MARCHF1: variants seen among roughly 807,000 people sequenced by gnomAD.
MARCHF1 encodes membrane associated ring-CH-type finger 1, also known as E3 ubiquitin-protein ligase MARCHF1.
MARCHF1 carries 40 observed loss-of-function variants against 54.2 expected under a neutral mutation model. That is an observed-to-expected ratio of 0.74 (90% CI 0.57 to 0.96). The LOEUF (loss-of-function observed/expected upper bound fraction) is 0.96, where lower values mean the gene tolerates loss of function less well. Ranked by LOEUF, MARCHF1 falls within the 40% of genes least tolerant of loss-of-function variation. The pLI is 0.00. For synonymous variants in MARCHF1, 236 were observed against 236.3 expected (o/e 1.00, Z 0.01); for missense variants, 586 against 656.5 (o/e 0.89, Z 1.17).
chr4:164,154,052 T>C (rs1282545817), intron 1 of MARCHF1, among the ~76,000 whole-genome samples: 1 of 152,190 alleles, frequency 6.6e-6, no homozygotes, highest in African/African-American at 2.4e-5. Context: ...ATTGCACATA[T>C]TTTGGGTTAT....
intron 1 of MARCHF1, among the ~76,000 whole-genome samples, chr4:164,213,117 T>C (rs1731823611): frequency 6.6e-6 from 1 of 151,886 alleles, no homozygotes; most frequent in Admixed American, 6.6e-5. Context: ...TATTTCTATT[T>C]CACATAACAG....
At chr4:164,027,361 G>GT (rs1490340881) in intron 2 of MARCHF1, among the ~76,000 whole-genome samples, 16 of 7,786 alleles carry the variant, frequency 2.1e-3, no homozygotes, top group Non-Finnish European at 5.3e-3. Flanking sequence ...CATGGTACAG[G>GT]TAAAAAAAAA....
At chr4:164,050,736 C>A (rs1278263173) in intron 2 of MARCHF1, among the ~76,000 whole-genome samples, 3 of 152,118 alleles carry the variant, frequency 2.0e-5, no homozygotes, top group Non-Finnish European at 4.4e-5. Flanking sequence ...AGTTCGAGAC[C>A]AGCCTGACCA....
chr4:164,030,017 A>G (rs1289894079), intron 2 of MARCHF1, among the ~76,000 whole-genome samples: 2 of 152,254 alleles, frequency 1.3e-5, no homozygotes, highest in Admixed American at 1.3e-4. Context: ...AGTCAGTAAC[A>G]AAAACACCAG....
chr4:164,262,454 C>A (rs1256180504), intron 1 of MARCHF1, among the ~76,000 whole-genome samples: 1 of 152,120 alleles, frequency 6.6e-6, no homozygotes. Context: ...ATTTTGATGA[C>A]CCAGAATGGC....
intron 4 of MARCHF1, among the ~76,000 whole-genome samples, chr4:163,784,741 T>C (rs117345143): frequency 2.0e-5 from 3 of 152,306 alleles, no homozygotes; most frequent in East Asian, 3.9e-4. Context: ...CATTAAATGC[T>C]TGTAAATGCC....
chr4:163,574,390 G>A (rs1402564721), intron 8 of MARCHF1, among the ~76,000 whole-genome samples: 49 of 151,632 alleles, frequency 3.2e-4, no homozygotes, highest in African/African-American at 6.8e-4. Flanking sequence ...GTCCTTGCCC[G>A]TGCCTATGTC....
intron 4 of MARCHF1, among the ~76,000 whole-genome samples, chr4:163,804,436 A>T (rs28555572): frequency 0.043 from 6,541 of 152,214 alleles, 185 homozygotes; most frequent in East Asian, 0.074. Context: ...GGGACAAATG[A>T]TACTTTTTAA....
intron 2 of MARCHF1, among the ~76,000 whole-genome samples, chr4:164,089,526 T>G (rs1755256951): frequency 6.6e-6 from 1 of 152,144 alleles, no homozygotes; most frequent in Non-Finnish European, 1.5e-5. Context: ...TTAAAATGGC[T>G]GCATATGTCC....
intron 4 of MARCHF1, among the ~76,000 whole-genome samples, chr4:163,793,755 C>T (rs1561080579): frequency 6.6e-6 from 1 of 152,090 alleles, no homozygotes; most frequent in Non-Finnish European, 1.5e-5. Context: ...AAATCCGTGT[C>T]CTGTTCTGTT....
At chr4:163,933,455 A>T (rs915250280) in intron 3 of MARCHF1, among the ~76,000 whole-genome samples, 12 of 152,228 alleles carry the variant, frequency 7.9e-5, no homozygotes, top group African/African-American at 2.9e-4. Context: ...TTACTGCTGT[A>T]GAAAAGTATT....
At chr4:164,034,969 T>A (rs537022149) in intron 2 of MARCHF1, among the ~76,000 whole-genome samples, 28 of 152,234 alleles carry the variant, frequency 1.8e-4, no homozygotes, top group African/African-American at 6.7e-4. Context: ...TTAACAAAAA[T>A]CCGTGTTATA....
intron 1 of MARCHF1, among the ~76,000 whole-genome samples, chr4:164,144,363 T>G (rs952689250): frequency 1.5e-4 from 22 of 151,446 alleles, no homozygotes; most frequent in African/African-American, 5.1e-4. Flanking sequence ...ATCAACAGAA[T>G]ATATATTTTT....
At chr4:163,812,334 T>C (rs1189633040) in intron 4 of MARCHF1, among the ~76,000 whole-genome samples, 1 of 151,752 alleles carries the variant, frequency 6.6e-6, no homozygotes, top group Non-Finnish European at 1.5e-5. Context: ...TACACATACA[T>C]GTATACATAT....
At chr4:164,208,497 T>C (rs969605625) in intron 1 of MARCHF1, among the ~76,000 whole-genome samples, 1 of 152,212 alleles carries the variant, frequency 6.6e-6, no homozygotes, top group African/African-American at 2.4e-5. Flanking sequence ...CCAGATGTTA[T>C]CTGAAGTTAT....
chr4:163,591,212 A>G (rs1324471458), intron 7 of MARCHF1, among the ~76,000 whole-genome samples: 2 of 151,888 alleles, frequency 1.3e-5, no homozygotes, highest in African/African-American at 2.4e-5. Context: ...TTATTTCCTG[A>G]GTGTATTGCA....
chr4:164,034,726 C>A (rs900276998), intron 2 of MARCHF1, among the ~76,000 whole-genome samples: 1 of 151,656 alleles, frequency 6.6e-6, no homozygotes, highest in Non-Finnish European at 1.5e-5. Flanking sequence ...TACAAAAAAC[C>A]TTATTTTAAA....
intron 2 of MARCHF1, among the ~76,000 whole-genome samples, chr4:164,027,904 T>C (rs1373963775): frequency 6.6e-6 from 1 of 151,622 alleles, no homozygotes; most frequent in Non-Finnish European, 1.5e-5. Context: ...ATAAATAATC[T>C]CATAAAAAAT....
chr4:163,829,759 G>T (rs1748965011), intron 4 of MARCHF1, among the ~76,000 whole-genome samples: 1 of 152,192 alleles, frequency 6.6e-6, no homozygotes. Flanking sequence ...TATGAATTTA[G>T]ATTTTTCTTC....
Sources: allele counts gnomAD v4.1 joint callset (sites outside exome capture counted in the v4.1 genomes callset), GRCh38; gene constraint gnomAD v4.1.1; transcripts MANE v1.5; gene names NCBI Gene and HGNC (gene_info 2026-07-23, HGNC 2026-07-21).